Variants in SPATA1 observed in about 807,000 individuals in gnomAD.
SPATA1 encodes spermatogenesis associated 1.
In SPATA1, 57 loss-of-function variants were observed where a neutral mutation model predicts 59.6. The ratio of observed to expected loss-of-function variants is 0.96; its 90% confidence interval spans 0.77 to 1.19. The LOEUF (loss-of-function observed/expected upper bound fraction) is 1.19, where lower values mean the gene tolerates loss of function less well. SPATA1 is among the 50% of genes most tolerant of loss of function. The pLI is 0.00. For missense variants in SPATA1, 448 were observed against 480.7 expected (o/e 0.93, Z 0.64); for synonymous variants, 147 against 163.9 (o/e 0.90, Z 0.79).
At chr1:84,544,019 A>G (rs1683997628) in intron 8 of SPATA1, among the ~76,000 whole-genome samples, 183 bp from the exon 9 acceptor site, 1 of 152,224 alleles carries the variant, frequency 6.6e-6, no homozygotes, top group Non-Finnish European at 1.5e-5. Flanking sequence ...ATAATGTCCA[A>G]GTAATAGAAT....
At chr1:84,522,653 CA>C (rs1247795072) in intron 4 of SPATA1, 146 bp downstream of exon 4, 12 of 426,502 alleles carry the variant, frequency 2.8e-5, no homozygotes, top group African/African-American at 2.3e-4. Flanking sequence ...ATTAAACATA[CA>C]GATCAACAAA....
chr1:84,534,598 A>C (rs1026608395), intron 8 of SPATA1, among the ~76,000 whole-genome samples: 3 of 150,510 alleles, frequency 2.0e-5, no homozygotes, highest in African/African-American at 7.5e-5. Flanking sequence ...AGTCTTAACC[A>C]TTTTAATAAC....
downstream of SPATA1, chr1:84,555,176 T>G (rs1684391989): frequency 6.2e-7 from 1 of 1,613,576 alleles, no homozygotes; most frequent in African/African-American, 1.3e-5. Context: ...CATACCATAC[T>G]TGATGAAAGT....
intron 6 of SPATA1, among the ~76,000 whole-genome samples, chr1:84,527,101 T>C (rs941590581): frequency 2.6e-5 from 4 of 152,064 alleles, no homozygotes; most frequent in African/African-American, 9.7e-5. Flanking sequence ...TGGAACATTG[T>C]TGGGTTTAGA....
intron 4 of SPATA1, among the ~76,000 whole-genome samples, chr1:84,525,346 C>T (rs1243994548): frequency 6.6e-6 from 1 of 152,190 alleles, no homozygotes; most frequent in Non-Finnish European, 1.5e-5. Context: ...ATAAAGTTTA[C>T]TAAGTTGGAC....
At chr1:84,539,971 T>C (rs1213583505) in intron 8 of SPATA1, among the ~76,000 whole-genome samples, 3 of 152,208 alleles carry the variant, frequency 2.0e-5, no homozygotes, top group East Asian at 1.9e-4. Context: ...GAAGTGTCTT[T>C]CTTCGGCTCA....
At chr1:84,538,545 G>A (rs1032688781) in intron 8 of SPATA1, among the ~76,000 whole-genome samples, 2 of 152,136 alleles carry the variant, frequency 1.3e-5, no homozygotes, top group African/African-American at 4.8e-5. Flanking sequence ...GAAATTTCAG[G>A]GAGCTCCATG....
At chr1:84,518,117 A>G (rs1021154172) in intron 2 of SPATA1, among the ~76,000 whole-genome samples, 1 of 152,164 alleles carries the variant, frequency 6.6e-6, no homozygotes, top group Non-Finnish European at 1.5e-5. Flanking sequence ...AGAACATTCT[A>G]TAAGACAACT....
rs59975122 is a variant in SPATA1, at chr1:84,520,480, G to GT, written c.37-97dup. 312 of 734,210 alleles carry GT rather than the reference G, an allele frequency of 4.2e-4. 2 individuals carry two copies. Among genetic ancestry groups the GT allele is most frequent in the East Asian group, 3.4e-3 (112 of 32,484 alleles). The allele number at this position is 734,210 out of a possible 1,614,324, so 45.5% of individuals were successfully genotyped here. A position where few individuals can be genotyped will look rare whatever the true frequency, so the allele number is the denominator to read the frequency against. On this transcript the variant is annotated intron_variant, in intron 2 of 12. Transcript: ENST00000490879. ...GTTCAGAGGGATGTATGTATTCCAT[G>GT]TTTTTTTTCTATTGTGTTTATTAAA...
chr1:84,548,154 A>G (rs1684150352), intron 10 of SPATA1, among the ~76,000 whole-genome samples: 2 of 152,148 alleles, frequency 1.3e-5, no homozygotes, highest in African/African-American at 4.8e-5. Flanking sequence ...TATAATTTTA[A>G]TTAAATCACC....
chr1:84,545,664 TA>T lies in SPATA1; in HGVS notation c.854del (p.Lys285ArgfsTer14), dbSNP rs1310499548. On this transcript the variant is annotated frameshift_variant, in exon 10 of 13. Coordinates refer to ENST00000490879, the Ensembl canonical transcript of SPATA1. LOFTEE classifies it high-confidence loss of function. Reference sequence around the variant, plus strand: ...AAGATTATCAAACAAATGAAACAAGTAAAGGAAGAAAGAAGGTATCTGGAAA... The same window carrying T: ...AAGATTATCAAACAAATGAAACAAGTAAGGAAGAAAGAAGGTATCTGGAAA... The T allele has an allele frequency of 2.6e-6, 4 of 1,521,374 alleles. No homozygotes were observed. The highest frequency in any genetic ancestry group is 3.5e-6 in the Non-Finnish European group (4 of 1,142,230). 94.2% of individuals were successfully genotyped at this position (1,521,374 alleles called of 1,614,324 possible).
At chr1:84,566,646 T>C (rs1347545150), downstream of SPATA1, among the ~76,000 whole-genome samples, 2 of 152,146 alleles carry the variant, frequency 1.3e-5, no homozygotes, top group Non-Finnish European at 2.9e-5. Flanking sequence ...CTTTCTTTTT[T>C]GGGGGGGATG....
intron 6 of SPATA1, among the ~76,000 whole-genome samples, chr1:84,528,579 C>T (rs1146373): frequency 0.46 from 69,185 of 152,004 alleles, 17,690 homozygotes; most frequent in African/African-American, 0.7. Context: ...TTTATACTCA[C>T]ACAATTTATT....
At chr1:84,548,818 A>G in exon 11 of SPATA1, 1 of 1,546,592 alleles carries the variant, frequency 6.5e-7, no homozygotes, top group Admixed American at 2.0e-5. Context: ...ATACTTGGAA[A>G]CAAAGAAAGT....
rs749733614 is a variant in SPATA1, at chr1:84,526,095, A to G, written c.544+22A>G. 17 of 1,570,774 alleles carry G rather than the reference A, an allele frequency of 1.1e-5. No homozygotes were observed. The East Asian group carries it at 1.6e-4, about 15-fold the overall frequency. ...GAAGGTGATTTTAAACTGGAATGGG[A>G]AAAAGAAAGAGGCTATTATAGTACA... On this transcript the variant is annotated intron_variant, in intron 6 of 12. Transcript: ENST00000490879.
chr1:84,507,259 A>C (rs1415191174), intron 1 of SPATA1: 1 of 152,166 alleles, frequency 6.6e-6, no homozygotes, highest in Non-Finnish European at 1.5e-5. Flanking sequence ...ATGGATTTCA[A>C]ATTTTTTATT....
At chr1:84,550,825 GTTT>G (rs1684248714) in intron 12 of SPATA1, 1 of 1,006,294 alleles carries the variant, frequency 9.9e-7, no homozygotes, top group South Asian at 4.6e-5. Flanking sequence ...ATTTTAAGTA[GTTT>G]TCCTGTATTA....
chr1:84,541,706 C>T (rs74095444), intron 8 of SPATA1, among the ~76,000 whole-genome samples: 2 of 151,916 alleles, frequency 1.3e-5, no homozygotes, highest in Non-Finnish European at 2.9e-5. Flanking sequence ...TGCTTCATGG[C>T]GTGTTTGTTT....
intron 4 of SPATA1, chr1:84,563,948 A>G: frequency 8.4e-7 from 1 of 1,192,354 alleles, no homozygotes; most frequent in Non-Finnish European, 1.1e-6. Flanking sequence ...TATAAAAAAC[A>G]CTAATATTGT....
Sources: gnomAD v4.1 joint callset for allele counts (sites outside exome capture counted in the v4.1 genomes callset) on GRCh38, gnomAD v4.1.1 for gene constraint, MANE v1.5 for transcripts, NCBI Gene and HGNC (gene_info 2026-07-23, HGNC 2026-07-21) for gene names.